Variants in SERAC1 observed in about 807,000 individuals in gnomAD.
SERAC1 encodes serine active site containing 1.
A neutral mutation model predicts 85.7 loss-of-function variants in SERAC1; 36 were observed. The observed-to-expected ratio is 0.42, with a 90% CI of 0.32 to 0.55. SERAC1 has a LOEUF of 0.55. Among genes scored for constraint, SERAC1 ranks in the 20% least tolerant of loss-of-function variants. The pLI, the probability that SERAC1 is intolerant of heterozygous loss-of-function variation, is 0.11. For missense variants in SERAC1, 629 were observed against 796.2 expected, an observed-to-expected ratio of 0.79 and a Z score of 2.53; for synonymous variants, 242 against 265.3, an observed-to-expected ratio of 0.91 and a Z score of 0.85.
At chr6:158,129,823 G>A (rs1366985336) in intron 9 of SERAC1, among the ~76,000 whole-genome samples, 1 of 151,640 alleles carries the variant, frequency 6.6e-6, no homozygotes, top group African/African-American at 2.4e-5. Context: ...CAGCCTCCAA[G>A]TAGCTGGGAT....
At chr6:158,124,454 CA>C (rs1289359656) in intron 10 of SERAC1, among the ~76,000 whole-genome samples, 1 of 152,004 alleles carries the variant, frequency 6.6e-6, no homozygotes, top group African/African-American at 2.4e-5. Context: ...CCCATCAATA[CA>C]AGGTATTGTA....
chr6:158,126,828 A>G (rs910494274), intron 10 of SERAC1, among the ~76,000 whole-genome samples: 1 of 152,134 alleles, frequency 6.6e-6, no homozygotes, highest in Non-Finnish European at 1.5e-5. Flanking sequence ...AGGCAGGGGG[A>G]TCACTTGAGT....
chr6:158,120,618 T>A lies in SERAC1; in HGVS notation c.1016-43A>T. On this transcript the variant is annotated intron_variant, in intron 10 of 16. Transcript: ENST00000647468. This position sits in a 1 kb window ranked among gnomAD's most constrained non-coding sequence, Gnocchi z 4.4. ...TATCCTAAATACTGATGTGAATCCA[T>A]CGCAGACCACAGAGAGAGTGAGGTT... 2 of 1,593,420 alleles carry A rather than the reference T, an allele frequency of 1.3e-6. No homozygotes were observed.
At position 158,117,613 on chromosome 6, in the gene SERAC1, T is replaced by G; in HGVS notation, c.1403+114A>C. 1 of 1,572,194 alleles carries G rather than the reference T, an allele frequency of 6.4e-7. No individual in the cohort carries two copies. Among genetic ancestry groups the G allele is most frequent in the Non-Finnish European group, 8.6e-7 (1 of 1,156,590 alleles). On this transcript the variant is annotated intron_variant, in intron 13 of 16. Coordinates refer to ENST00000647468, the MANE Select transcript of SERAC1 (RefSeq NM_032861.4). The surrounding 1 kb of genome is among the most constrained non-coding windows in gnomAD (Gnocchi z 4.3). ...CAAAAAAGATTAGGTTTGTTCTTCA[T>G]AAGAAAATCCTGTCTGTGGCATCAA... is the stretch of plus-strand genomic sequence containing the variant.
At chr6:158,159,807 G>T (rs1018717498) in intron 1 of SERAC1, among the ~76,000 whole-genome samples, 1 of 151,870 alleles carries the variant, frequency 6.6e-6, no homozygotes, top group Admixed American at 6.6e-5. Flanking sequence ...TGTATTTTTT[G>T]TAGAGACAGG....
chr6:158,113,390 A>G, intron 16 of SERAC1, 59 bp downstream of exon 16: 47 of 1,447,698 alleles, frequency 3.2e-5, no homozygotes, highest in Non-Finnish European at 4.4e-5. Flanking sequence ...GCTGTTTACA[A>G]GTAAATGCTA....
chr6:158,117,091 A>G lies in SERAC1; in HGVS notation c.1403+636T>C, dbSNP rs556460546. ...GCTCCTCTGGGTGAAATGGGGAGGG[A>G]GACCTGGGGTCTTGCCTGCTCACCT... On this transcript the variant is annotated intron_variant, in intron 13 of 16. Transcript: ENST00000647468. The surrounding 1 kb of genome is among the most constrained non-coding windows in gnomAD (Gnocchi z 4.3). The G allele has an allele frequency of 2.2e-3, 344 of 158,886 alleles. No individual in the cohort carries two copies. Among genetic ancestry groups the G allele is most frequent in the Non-Finnish European group, 3.7e-3 (266 of 72,512 alleles). The allele number at this position is 158,886 out of a possible 1,614,324, so 9.8% of individuals were successfully genotyped here. A position where few individuals can be genotyped will look rare whatever the true frequency, so the allele number is the denominator to read the frequency against.
At chr6:158,130,740 G>A (rs138076370) in intron 8 of SERAC1, among the ~76,000 whole-genome samples, 195 of 152,310 alleles carry the variant, frequency 1.3e-3, no homozygotes, top group African/African-American at 4.5e-3. Context: ...TTGTATGAAA[G>A]TGTGAAGACT....
Position 158,148,851 on chromosome 6 carries a change from T to C in SERAC1, c.355+14A>G, listed in dbSNP as rs1785133792. 2.6e-6 allele frequency: 4 copies of C among 1,563,348 alleles called. No individual in the cohort carries two copies. Among genetic ancestry groups the C allele is most frequent in the South Asian group, 1.1e-5 (1 of 87,550 alleles). ...TTACTGATAAGGATTCCAAGTCATA[T>C]AGTGGATATTTACCAGCAAATGGAT... is the stretch of plus-strand genomic sequence containing the variant. On this transcript the variant is annotated intron_variant, in intron 5 of 16. Coordinates refer to ENST00000647468, the MANE Select transcript of SERAC1 (RefSeq NM_032861.4).
chr6:158,120,300 A>T lies in SERAC1; in HGVS notation c.1166+125T>A. 1 of 1,003,718 alleles carries T rather than the reference A, an allele frequency of 1.0e-6. No homozygotes were observed. Among genetic ancestry groups the T allele is most frequent in the Non-Finnish European group, 1.4e-6 (1 of 716,316 alleles). The allele number at this position is 1,003,718 out of a possible 1,614,324, so 62.2% of individuals were successfully genotyped here. On this transcript the variant is annotated intron_variant, in intron 11 of 16. Coordinates refer to ENST00000647468, the MANE Select transcript of SERAC1 (RefSeq NM_032861.4). This position sits in a 1 kb window ranked among gnomAD's most constrained non-coding sequence, Gnocchi z 4.4. ...GTTACTATAGACAAATTATTTTAGT[A>T]AATAAGATATTTGACTTATAAGTTA... is the stretch of plus-strand genomic sequence containing the variant.
intron 1 of SERAC1, chr6:158,161,524 T>C (rs1422886707): frequency 6.6e-6 from 1 of 152,210 alleles, no homozygotes; most frequent in Non-Finnish European, 1.5e-5. Flanking sequence ...CTAACTGTTG[T>C]TTCTTTGTAG....
intron 1 of SERAC1, among the ~76,000 whole-genome samples, chr6:158,167,223 TAAAAA>T (rs34350104): frequency 0.021 from 2,135 of 101,818 alleles, 72 homozygotes; most frequent in African/African-American, 0.081. Flanking sequence ...CACACGATGT[TAAAAA>T]AAAAAAAAAA....
intron 8 of SERAC1, among the ~76,000 whole-genome samples, 176 bp from the exon 9 acceptor site, chr6:158,130,662 G>A (rs1037830797): frequency 6.6e-6 from 1 of 152,170 alleles, no homozygotes; most frequent in African/African-American, 2.4e-5. Flanking sequence ...TATCAGAATA[G>A]AAAACATACA....
intron 8 of SERAC1, among the ~76,000 whole-genome samples, chr6:158,133,113 C>A (rs760858423): frequency 3.3e-5 from 5 of 152,020 alleles, no homozygotes; most frequent in African/African-American, 1.2e-4. Context: ...TCAAGACCAG[C>A]CTGGTCAATA....
At chr6:158,151,429 T>G (rs963289573) in intron 3 of SERAC1, among the ~76,000 whole-genome samples, 3 of 66,400 alleles carry the variant, frequency 4.5e-5, no homozygotes, top group Non-Finnish European at 7.1e-5. Context: ...CTCAAAAAGA[T>G]TTTTTTTTTT....
intron 10 of SERAC1, among the ~76,000 whole-genome samples, chr6:158,123,262 G>A (rs962429783): frequency 2.0e-5 from 3 of 152,192 alleles, no homozygotes; most frequent in Admixed American, 2.0e-4. Flanking sequence ...TATGTGATCA[G>A]AGGGTCCAGC....
intron 8 of SERAC1, among the ~76,000 whole-genome samples, chr6:158,137,092 A>G (rs1394051732): frequency 6.6e-6 from 1 of 151,576 alleles, no homozygotes; most frequent in Non-Finnish European, 1.5e-5. Flanking sequence ...CGGGAGATGG[A>G]GCTTGCAGTG....
Position 158,143,088 on chromosome 6 carries a change from T to C in SERAC1, c.706A>G (p.Ser236Gly). 1 of 1,612,992 alleles carries C rather than the reference T, an allele frequency of 6.2e-7. No homozygotes were observed. Among genetic ancestry groups the C allele is most frequent in the Non-Finnish European group, 8.5e-7 (1 of 1,179,488 alleles). ...GCAGCTAGACTCTGACTGCTTTCAC[T>C]AAGAGCCAAAGATGTAAAATACTGG... ...CIQYFTSLAL[S>G]ESSQSLAAQK... is the part of the protein sequence containing the mutation. Residue 236 changes from serine (S) to glycine (G), a missense_variant, in exon 8 of 17, where the codon AGT becomes GGT. Physicochemically the swap from Ser to Gly is moderately conservative, Grantham distance 56. Coordinates refer to ENST00000647468, the MANE Select transcript of SERAC1 (RefSeq NM_032861.4).
rs544022284 is a variant in SERAC1 at position 158,136,827 on chromosome 6, A to G, written c.738+6229T>C. Among the ~76,000 whole-genome samples, 5 of 152,292 alleles carry G rather than the reference A, an allele frequency of 3.3e-5. No homozygotes were observed. The East Asian group carries it at 9.6e-4, about 29-fold the overall frequency. On this transcript the variant is annotated intron_variant, in intron 8 of 16. Coordinates refer to ENST00000647468, the MANE Select transcript of SERAC1 (RefSeq NM_032861.4). ...CTTCCTGGCATATGTGAAATCCAGG[A>G]GGCATGATAAACTTGAGGCAGAGTA...
Sources: allele counts gnomAD v4.1 joint callset (sites outside exome capture counted in the v4.1 genomes callset), GRCh38; gene constraint gnomAD v4.1.1; non-coding constraint Gnocchi (gnomAD v3.1); transcripts MANE v1.5; gene names NCBI Gene and HGNC (gene_info 2026-07-23, HGNC 2026-07-21).